AGBL4: variants seen among roughly 807,000 people sequenced by gnomAD.
AGBL4 encodes AGBL carboxypeptidase 4, also known as cytosolic carboxypeptidase 6.
Under a neutral mutation model 66.4 loss-of-function variants are expected in AGBL4, and 58 were observed. The observed-to-expected ratio is 0.87, with a 90% CI of 0.71 to 1.09. The LOEUF (loss-of-function observed/expected upper bound fraction) is 1.09. AGBL4 is among the 50% of genes least tolerant of loss of function. AGBL4 has a pLI of 0.00. For missense variants in AGBL4, 579 were observed against 631.0 expected, an observed-to-expected ratio of 0.92 and a Z score of 0.88; for synonymous variants, 234 against 222.9, an observed-to-expected ratio of 1.05 and a Z score of -0.44.
At chr1:49,274,284 A>C (rs1456329701) in intron 3 of AGBL4, among the ~76,000 whole-genome samples, 1 of 152,192 alleles carries the variant, frequency 6.6e-6, no homozygotes, top group Non-Finnish European at 1.5e-5. Context: ...TCATATATTA[A>C]GGCCCAAGAG....
At chr1:49,539,681 G>C (rs1450087731) in intron 3 of AGBL4, among the ~76,000 whole-genome samples, 2 of 152,114 alleles carry the variant, frequency 1.3e-5, no homozygotes, top group Non-Finnish European at 2.9e-5. Context: ...AAAGAGTTAT[G>C]ACTTTTCTGG....
chr1:49,677,285 T>A (rs1384588504), intron 3 of AGBL4, among the ~76,000 whole-genome samples: 1 of 152,104 alleles, frequency 6.6e-6, no homozygotes, highest in African/African-American at 2.4e-5. Context: ...GCAGGAAAAA[T>A]TTTTGGAAAA....
intron 2 of AGBL4, among the ~76,000 whole-genome samples, chr1:49,730,842 G>T (rs796068483): frequency 4.6e-5 from 7 of 152,176 alleles, no homozygotes; most frequent in Non-Finnish European, 1.0e-4. Context: ...AAGTGGCACA[G>T]AACAAATCCT....
At chr1:48,694,261 G>C (rs1009617670) in intron 6 of AGBL4, among the ~76,000 whole-genome samples, 4 of 152,130 alleles carry the variant, frequency 2.6e-5, no homozygotes, top group Admixed American at 2.0e-4. Context: ...AGGATTGAGA[G>C]AGAGGATATG....
At chr1:48,879,807 G>A (rs893671106) in intron 5 of AGBL4, among the ~76,000 whole-genome samples, 1 of 152,120 alleles carries the variant, frequency 6.6e-6, no homozygotes, top group African/African-American at 2.4e-5. Context: ...AAGTGATGGA[G>A]CTCAGATTAA....
intron 6 of AGBL4, chr1:48,727,883 A>C (rs1389669909): frequency 6.3e-7 from 1 of 1,598,824 alleles, no homozygotes; most frequent in African/African-American, 1.3e-5. Context: ...AAAAATCCAA[A>C]GTTTATTGCA....
At chr1:48,540,900 G>A (rs137866780) in intron 11 of AGBL4, among the ~76,000 whole-genome samples, 3 of 152,040 alleles carry the variant, frequency 2.0e-5, no homozygotes, top group African/African-American at 4.8e-5. Flanking sequence ...ATTTTCTACC[G>A]TGCAGCCAGG....
intron 4 of AGBL4, among the ~76,000 whole-genome samples, chr1:49,064,306 C>T (rs1644454038): frequency 6.6e-6 from 1 of 152,186 alleles, no homozygotes; most frequent in Admixed American, 6.5e-5. Flanking sequence ...GTTGGGTATA[C>T]TTTGGTGGGG....
chr1:49,229,999 G>T (rs1650186278), intron 4 of AGBL4, among the ~76,000 whole-genome samples: 1 of 152,092 alleles, frequency 6.6e-6, no homozygotes, highest in African/African-American at 2.4e-5. Context: ...AAAAATTGAG[G>T]CATAGAGATA....
chr1:49,634,668 A>G (rs529976489), intron 3 of AGBL4, among the ~76,000 whole-genome samples: 1 of 152,284 alleles, frequency 6.6e-6, no homozygotes, highest in African/African-American at 2.4e-5. Context: ...GAACTAATTT[A>G]CACTCCCAAC....
At chr1:49,826,074 A>G (rs1645502693) in intron 2 of AGBL4, among the ~76,000 whole-genome samples, 1 of 152,244 alleles carries the variant, frequency 6.6e-6, no homozygotes, top group South Asian at 2.1e-4. Flanking sequence ...ACTAATTTAC[A>G]TAATATTTTA....
chr1:49,821,202 C>T (rs1272850800), intron 2 of AGBL4, among the ~76,000 whole-genome samples: 1 of 152,104 alleles, frequency 6.6e-6, no homozygotes, highest in Non-Finnish European at 1.5e-5. Flanking sequence ...TTCATTCATT[C>T]ATTTAATAAA....
intron 4 of AGBL4, among the ~76,000 whole-genome samples, chr1:49,224,995 A>C (rs1350423838): frequency 6.6e-6 from 1 of 152,222 alleles, no homozygotes. Flanking sequence ...TGTACATGTA[A>C]TAAAAGAGCA....
intron 4 of AGBL4, among the ~76,000 whole-genome samples, chr1:49,114,663 T>A (rs1246739236): frequency 6.6e-6 from 1 of 152,238 alleles, no homozygotes; most frequent in Non-Finnish European, 1.5e-5. Flanking sequence ...GACAGACATG[T>A]GACTCTTCCT....
chr1:49,616,928 T>C (rs964950779), intron 3 of AGBL4, among the ~76,000 whole-genome samples: 1 of 152,186 alleles, frequency 6.6e-6, no homozygotes, highest in Non-Finnish European at 1.5e-5. Flanking sequence ...TAATCTCTTG[T>C]CAGGATTATT....
intron 1 of AGBL4, among the ~76,000 whole-genome samples, chr1:49,891,383 C>G (rs1022257404): frequency 6.6e-6 from 1 of 152,136 alleles, no homozygotes; most frequent in Non-Finnish European, 1.5e-5. Context: ...GGCAATTTTG[C>G]TGCTCAAGGG....
At chr1:48,982,664 G>A (rs992062941) in intron 5 of AGBL4, among the ~76,000 whole-genome samples, 5 of 152,046 alleles carry the variant, frequency 3.3e-5, no homozygotes, top group African/African-American at 7.2e-5. Flanking sequence ...ATAAACATAC[G>A]TGTGCATGTG....
chr1:50,006,012 C>T (rs879323621), intron 1 of AGBL4, among the ~76,000 whole-genome samples: 25 of 152,152 alleles, frequency 1.6e-4, no homozygotes, highest in Middle Eastern at 6.8e-3. Context: ...AGAATATAGC[C>T]TCAAAGGGCA....
At chr1:49,939,953 C>G (rs1232440526) in intron 1 of AGBL4, among the ~76,000 whole-genome samples, 1 of 152,180 alleles carries the variant, frequency 6.6e-6, no homozygotes, top group East Asian at 1.9e-4. Flanking sequence ...ACCTACTCAT[C>G]TGACAAAGGG....
Sources: allele counts gnomAD v4.1 joint callset (sites outside exome capture counted in the v4.1 genomes callset), GRCh38; gene constraint gnomAD v4.1.1; transcripts MANE v1.5; gene names NCBI Gene and HGNC (gene_info 2026-07-23, HGNC 2026-07-21).